The following MAST2 variants were observed in gnomAD, a reference collection of about 807,000 sequenced individuals.
MAST2 encodes microtubule associated serine/threonine kinase 2.
In MAST2, 70 loss-of-function variants were observed where a neutral mutation model predicts 147.4. That is an observed-to-expected ratio of 0.47 (90% CI 0.39 to 0.58). The LOEUF (loss-of-function observed/expected upper bound fraction) is 0.58. Among genes scored for constraint, MAST2 ranks in the 20% least tolerant of loss-of-function variants. The pLI is 0.00. For missense variants in MAST2, 2,080 were observed against 2,302.3 expected, an observed-to-expected ratio of 0.90 and a Z score of 1.98; for synonymous variants, 869 against 896.8, an observed-to-expected ratio of 0.97 and a Z score of 0.55.
chr1:45,838,215 C>CTTTT (rs61696475), intron 3 of MAST2, among the ~76,000 whole-genome samples: 5 of 97,964 alleles, frequency 5.1e-5, no homozygotes, highest in Admixed American at 2.3e-4. Context: ...TATATATATT[C>CTTTT]TTTTTTTTTT....
intron 6 of MAST2, among the ~76,000 whole-genome samples, chr1:46,000,194 A>G (rs1354420389): frequency 6.6e-6 from 1 of 152,154 alleles, no homozygotes; most frequent in Non-Finnish European, 1.5e-5. Context: ...CAGGTCTGTA[A>G]TCCTAGCTGC....
chr1:45,826,930 G>A (rs1644810913), intron 2 of MAST2, among the ~76,000 whole-genome samples: 1 of 152,092 alleles, frequency 6.6e-6, no homozygotes, highest in South Asian at 2.1e-4. Flanking sequence ...CCTGGTTCAA[G>A]CGATTCTCCT....
intron 4 of MAST2, among the ~76,000 whole-genome samples, chr1:45,920,490 A>G (rs1276774697): frequency 1.3e-5 from 2 of 152,084 alleles, no homozygotes; most frequent in African/African-American, 4.8e-5. Context: ...CATATATTTC[A>G]TCTAATTTTT....
intron 4 of MAST2, among the ~76,000 whole-genome samples, chr1:45,957,250 G>A (rs953562455): frequency 6.6e-6 from 1 of 152,084 alleles, no homozygotes; most frequent in African/African-American, 2.4e-5. Flanking sequence ...TTCATTCCTT[G>A]TTATTGCTGA....
At chr1:46,028,732 C>T in intron 17 of MAST2, 36 bp from the exon 18 acceptor site, 3 of 1,612,948 alleles carry the variant, frequency 1.9e-6, no homozygotes, top group Non-Finnish European at 2.5e-6. Context: ...TCAGCAGCCT[C>T]AGGAGGCTGA....
intron 5 of MAST2, among the ~76,000 whole-genome samples, chr1:45,977,800 C>CA (rs11441101): frequency 0.65 from 86,994 of 132,898 alleles, 28,578 homozygotes; most frequent in Non-Finnish European, 0.69. Context: ...ACTCTTGTCT[C>CA]AAAAAAAAAA....
intron 4 of MAST2, among the ~76,000 whole-genome samples, chr1:45,897,002 T>G (rs1331738202): frequency 6.6e-6 from 1 of 152,240 alleles, no homozygotes; most frequent in Non-Finnish European, 1.5e-5. Flanking sequence ...AGTATCATCT[T>G]TTGTTCTTAG....
chr1:45,829,698 A>G, intron 3 of MAST2, 117 bp downstream of exon 3: 1 of 1,067,814 alleles, frequency 9.4e-7, no homozygotes, highest in Admixed American at 2.4e-5. Flanking sequence ...TCCCAAAATG[A>G]AGTATGGAAG....
At chr1:46,019,924 C>G (rs1646116314) in intron 11 of MAST2, among the ~76,000 whole-genome samples, 1 of 152,226 alleles carries the variant, frequency 6.6e-6, no homozygotes, top group Non-Finnish European at 1.5e-5. Flanking sequence ...GCCACCCCCA[C>G]ATGAGCAGGG....
At position 45,804,379 on chromosome 1, in the gene MAST2, T is replaced by G. The variant is rs77028111; in HGVS notation, c.177+307T>G. 6.6e-3 allele frequency among the ~76,000 whole-genome samples: 1,010 copies of G among 152,274 alleles called. 12 individuals are homozygous for G. Among genetic ancestry groups the G allele is most frequent in the African/African-American group, 0.023 (974 of 41,536 alleles). On this transcript the variant is annotated intron_variant, in intron 1 of 28. Transcript: ENST00000361297. ...TGTGAGCTGCAACGAGTAGGCTTAC[T>G]AAAGAGGCGTTGAGGAGTTATCCAT... is the stretch of plus-strand genomic sequence containing the variant.
chr1:45,944,951 T>C (rs1340392279), intron 4 of MAST2, among the ~76,000 whole-genome samples: 1 of 152,176 alleles, frequency 6.6e-6, no homozygotes, highest in Non-Finnish European at 1.5e-5. Flanking sequence ...CCTTTTTGAG[T>C]ATTTTAAGTG....
chr1:45,918,423 G>A (rs1652907258), intron 4 of MAST2, among the ~76,000 whole-genome samples: 1 of 152,106 alleles, frequency 6.6e-6, no homozygotes, highest in Non-Finnish European at 1.5e-5. Context: ...GAAGTGTAGT[G>A]GGCAGCCAGA....
chr1:45,834,517 T>G (rs6680380), intron 3 of MAST2, among the ~76,000 whole-genome samples: 67,598 of 151,886 alleles, frequency 0.45, 15,248 homozygotes, highest in East Asian at 0.62. Context: ...CCAGGGCATG[T>G]TCTAAAACAG....
At chr1:45,993,304 T>A (rs1231478097) in intron 5 of MAST2, among the ~76,000 whole-genome samples, 1 of 152,196 alleles carries the variant, frequency 6.6e-6, no homozygotes, top group Non-Finnish European at 1.5e-5. Context: ...TTAAAACATT[T>A]TTTTGTAGTG....
chr1:45,864,800 T>C (rs775158879), intron 3 of MAST2, among the ~76,000 whole-genome samples: 2 of 152,204 alleles, frequency 1.3e-5, no homozygotes, highest in Non-Finnish European at 2.9e-5. Flanking sequence ...CCTTTTGTTC[T>C]TTTCTTAGTA....
chr1:45,913,458 G>T, intron 4 of MAST2: 2 of 323,076 alleles, frequency 6.2e-6, no homozygotes, highest in Non-Finnish European at 8.9e-6. Context: ...CCTCAGGGTT[G>T]GAGGTTGCAA....
intron 7 of MAST2, among the ~76,000 whole-genome samples, chr1:46,005,279 T>G (rs959190065): frequency 1.3e-5 from 2 of 151,984 alleles, no homozygotes; most frequent in Non-Finnish European, 2.9e-5. Flanking sequence ...GGAGAGTCAC[T>G]TGAACCTGGG....
At chr1:45,915,147 G>A (rs1652275882) in intron 4 of MAST2, among the ~76,000 whole-genome samples, 1 of 152,060 alleles carries the variant, frequency 6.6e-6, no homozygotes, top group African/African-American at 2.4e-5. Context: ...GCTCAGGCTG[G>A]TCTGGAACTC....
chr1:45,908,987 C>T (rs1340663815), intron 4 of MAST2, among the ~76,000 whole-genome samples: 2 of 152,132 alleles, frequency 1.3e-5, no homozygotes, highest in African/African-American at 4.8e-5. Flanking sequence ...AGTTCTCTTT[C>T]GGTAATGTCA....
Sources: gnomAD v4.1 joint callset for allele counts (sites outside exome capture counted in the v4.1 genomes callset) on GRCh38, gnomAD v4.1.1 for gene constraint, MANE v1.5 for transcripts, NCBI Gene and HGNC (gene_info 2026-07-23, HGNC 2026-07-21) for gene names.